OGDH: variants seen among roughly 807,000 people sequenced by gnomAD.
OGDH encodes the protein 2-oxoglutarate dehydrogenase complex component E1.
OGDH carries 38 observed loss-of-function variants against 116.6 expected under a neutral mutation model. The observed-to-expected ratio is 0.33, with a 90% confidence interval of 0.25 to 0.43. The LOEUF is 0.43. OGDH is among the 20% of genes least tolerant of loss of function. The pLI, the probability that OGDH is intolerant of heterozygous loss-of-function variation, is 1.00. For synonymous variants in OGDH, 488 were observed against 533.3 expected, an observed-to-expected ratio of 0.92 and a Z score of 1.17; for missense variants, 825 against 1,357.2, an observed-to-expected ratio of 0.61 and a Z score of 6.16.
In OGDH at chr7:44,700,146, TAAA is replaced by T; in HGVS notation, c.2437_2439del (p.Lys813del). The T allele has an allele frequency of 6.2e-7, 1 of 1,614,112 alleles. No individual in the cohort carries two copies. Among genetic ancestry groups the T allele is most frequent in the Non-Finnish European group, 8.5e-7 (1 of 1,179,980 alleles). The stretch of plus-strand genomic sequence containing the variant: ...CATTTCCTTCCCTGCTGCAGGACCT[TAAA>T]GAAGCCAACTTCGACATCAATCAGC... On this transcript the variant is annotated inframe_deletion, in exon 19 of 23. Transcript: ENST00000222673.
At chr7:44,669,009 T>C (rs776751925) in intron 5 of OGDH, among the ~76,000 whole-genome samples, 3 of 152,228 alleles carry the variant, frequency 2.0e-5, no homozygotes, top group Non-Finnish European at 4.4e-5. Flanking sequence ...GTTATTTCAC[T>C]GCTCATGTGT....
In OGDH at chr7:44,697,115, G is replaced by A; in HGVS notation, c.2051+51G>A. 6.3e-7 allele frequency: 1 copy of A among 1,589,894 alleles called. No individual in the cohort carries two copies. ...CCCTCCAAAGAGTAGAAGATGGAAA[G>A]GGAGGGGTTCTGGTGTTTCTTTTCC... On this transcript the variant is annotated intron_variant, in intron 15 of 22. Coordinates refer to ENST00000222673, the MANE Select transcript of OGDH (RefSeq NM_002541.4). This position sits in a 1 kb window ranked among gnomAD's most constrained non-coding sequence, Gnocchi z 6.0.
intron 2 of OGDH, among the ~76,000 whole-genome samples, chr7:44,641,415 G>A (rs968495356): frequency 2.6e-4 from 39 of 150,548 alleles, no homozygotes; most frequent in African/African-American, 9.0e-4. Flanking sequence ...TAGTAGAGAC[G>A]GGGTTTCACT....
rs1463662163 is a variant in OGDH, at chr7:44,708,039, C to T, written c.*40C>T. 2 of 1,592,444 alleles carry T rather than the reference C, an allele frequency of 1.3e-6. No individual in the cohort carries two copies. Among genetic ancestry groups the T allele is most frequent in the Non-Finnish European group, 1.7e-6 (2 of 1,172,148 alleles). On this transcript the variant is annotated 3_prime_UTR_variant, in exon 23 of 23. Coordinates refer to ENST00000222673, the MANE Select transcript of OGDH (RefSeq NM_002541.4). ...TGCTTGGGCCACTGCCCTCTCCACACCCATGACTGCCCCTTGCTTCTCAAC... is the reference window on the plus strand; with the variant it reads ...TGCTTGGGCCACTGCCCTCTCCACATCCATGACTGCCCCTTGCTTCTCAAC...
At chr7:44,623,584 T>C (rs1427215866) in intron 1 of OGDH, among the ~76,000 whole-genome samples, 1 of 152,240 alleles carries the variant, frequency 6.6e-6, no homozygotes, top group Non-Finnish European at 1.5e-5. Context: ...ATATATGTAA[T>C]ATGTAAATTT....
At chr7:44,644,194 T>A (rs1474450387) in intron 2 of OGDH, among the ~76,000 whole-genome samples, 1 of 152,242 alleles carries the variant, frequency 6.6e-6, no homozygotes, top group Non-Finnish European at 1.5e-5. Context: ...AGAGCGAGAC[T>A]TCATCTCAAA....
chr7:44,661,362 A>T (rs935176839), intron 4 of OGDH, among the ~76,000 whole-genome samples: 8 of 152,020 alleles, frequency 5.3e-5, no homozygotes, highest in Non-Finnish European at 1.0e-4. Context: ...TTTCTTGTGG[A>T]TAAGCATATA....
chr7:44,675,286 A>G lies in OGDH; in HGVS notation c.1026+18A>G. ...CTGATGAGGTGAGGCACCTGCATAGAGACACATCCAGCATAGCCCCAACTT... is the reference window on the plus strand; with the variant it reads ...CTGATGAGGTGAGGCACCTGCATAGGGACACATCCAGCATAGCCCCAACTT... On this transcript the variant is annotated intron_variant, in intron 8 of 22. Transcript: ENST00000222673. 1 of 1,603,530 alleles carries G rather than the reference A, an allele frequency of 6.2e-7. No homozygotes were observed. The highest frequency in any genetic ancestry group is 1.1e-5 in the South Asian group (1 of 90,656).
chr7:44,702,902 C>A (rs1392493516), intron 20 of OGDH, among the ~76,000 whole-genome samples: 1 of 152,070 alleles, frequency 6.6e-6, no homozygotes, highest in Admixed American at 6.6e-5. Context: ...AGCCCCCAGT[C>A]TTTTTTTATT....
rs779274076 is a variant in OGDH, at chr7:44,696,568, C to G, written c.1900+11C>G. The G allele has an allele frequency of 9.9e-6, 16 of 1,613,870 alleles. No individual in the cohort carries two copies. Among genetic ancestry groups the G allele is most frequent in the Non-Finnish European group, 1.2e-5 (14 of 1,179,928 alleles). On this transcript the variant is annotated intron_variant, in intron 14 of 22. Coordinates refer to ENST00000222673, the MANE Select transcript of OGDH (RefSeq NM_002541.4). ...TTACTATTCATGGAGGTAACACGCT[C>G]TGTGCTGACCTGTGGAAATGTTGGG...
intron 2 of OGDH, among the ~76,000 whole-genome samples, chr7:44,631,034 C>T (rs1415248125): frequency 6.6e-6 from 1 of 152,176 alleles, no homozygotes; most frequent in Non-Finnish European, 1.5e-5. Context: ...TCCTGCTATG[C>T]AACCCAGTTC....
At chr7:44,650,377 C>T (rs1291242032) in intron 4 of OGDH, among the ~76,000 whole-genome samples, 1 of 152,184 alleles carries the variant, frequency 6.6e-6, no homozygotes, top group Non-Finnish European at 1.5e-5. Flanking sequence ...TCCCAGCCCA[C>T]TATTACTAGC....
intron 2 of OGDH, among the ~76,000 whole-genome samples, chr7:44,634,315 A>G (rs562890909): frequency 6.6e-6 from 1 of 152,250 alleles, no homozygotes; most frequent in Non-Finnish European, 1.5e-5. Flanking sequence ...GGTTAGAGCA[A>G]GTCACAGACA....
rs781255892 is a variant in OGDH, at chr7:44,676,071, C to T, written c.1128C>T (p.His376=). ...TGTCCTTGGTGGCCAACCCTTCCCA[C>T]CTTGAGGCCGCTGACCCCGTGGTGA... is the stretch of plus-strand genomic sequence containing the variant. ...ITLSLVANPS[H]LEAADPVVMG... Residue 376 remains histidine, a synonymous_variant, in exon 9 of 23, where the codon CAC becomes CAT. Transcript: ENST00000222673. The T allele has an allele frequency of 4.2e-5, 67 of 1,614,060 alleles. No individual in the cohort carries two copies. The Middle Eastern group carries it at 8.2e-4, about 20-fold the overall frequency.
intron 9 of OGDH, among the ~76,000 whole-genome samples, chr7:44,677,786 ATTGCTTGAACCTGGGAGGCGGAGG>A (rs1258554444): frequency 6.6e-6 from 1 of 151,730 alleles, no homozygotes; most frequent in Non-Finnish European, 1.5e-5. Flanking sequence ...AGGCAGGAGA[ATTGCTTGAACCTGGGAGGCGGAGG>A]TTGCAGTGAG....
At chr7:44,668,636 G>T (rs982816765) in intron 5 of OGDH, among the ~76,000 whole-genome samples, 1 of 152,092 alleles carries the variant, frequency 6.6e-6, no homozygotes, top group East Asian at 1.9e-4. Context: ...TGGGCACCAG[G>T]GGGGAGTGAT....
intron 4 of OGDH, among the ~76,000 whole-genome samples, chr7:44,651,810 C>G (rs1383607411): frequency 1.3e-5 from 2 of 152,214 alleles, no homozygotes; most frequent in East Asian, 3.9e-4. Flanking sequence ...ATCCACCTGC[C>G]TTGGCCTCCC....
chr7:44,634,341 C>T (rs946560846), intron 2 of OGDH, among the ~76,000 whole-genome samples: 2 of 152,194 alleles, frequency 1.3e-5, no homozygotes, highest in African/African-American at 2.4e-5. Flanking sequence ...TAGGGACATC[C>T]GTTTGGGGAG....
chr7:44,624,355 A>C lies in OGDH; in HGVS notation c.12A>C (p.Leu4Phe). ...ACTTCAGGACAAAAATGTTTCATTT[A>C]AGGACTTGTGCTGCTAAGTTGAGGC... MFHLRTCAAKLRPL... is the reference protein window; with the variant it reads MFHFRTCAAKLRPL... Residue 4 changes from leucine (L) to phenylalanine (F), a missense_variant, in exon 2 of 23, where the codon TTA (leucine) becomes TTC (phenylalanine). Around this residue, in one of 7 missense-constraint regions of OGDH, gnomAD observed 126 missense variants for 130.4 expected, o/e 0.97. Transcript: ENST00000222673. The C allele has an allele frequency of 7.1e-7, 1 of 1,406,076 alleles. No individual in the cohort carries two copies. The highest frequency in any genetic ancestry group is 1.3e-5 in the South Asian group (1 of 77,778). 87.1% of individuals were successfully genotyped at this position (1,406,076 alleles called of 1,614,324 possible). A position where few individuals can be genotyped will look rare whatever the true frequency, so the allele number is the denominator to read the frequency against.
Sources: gnomAD v4.1 joint callset for allele counts (sites outside exome capture counted in the v4.1 genomes callset) on GRCh38, gnomAD v4.1.1 for gene constraint, gnomAD v4.1.1 regional missense constraint, Gnocchi (gnomAD v3.1) non-coding constraint, MANE v1.5 for transcripts, NCBI Gene and HGNC (gene_info 2026-07-23, HGNC 2026-07-21) for gene names.